PTPRN2: variants seen among roughly 807,000 people sequenced by gnomAD.
PTPRN2 encodes the protein receptor-type tyrosine-protein phosphatase N2.
Under a neutral mutation model 118.8 loss-of-function variants are expected in PTPRN2, and 74 were observed. That is an observed-to-expected ratio of 0.62 (90% CI 0.52 to 0.76). The LOEUF (loss-of-function observed/expected upper bound fraction) is 0.76, where lower values mean the gene tolerates loss of function less well. Among genes scored for constraint, PTPRN2 ranks in the 30% least tolerant of loss-of-function variants. The probability of loss-of-function intolerance (pLI) is 0.00; values close to 1 mark genes in which losing one functional copy is unlikely to be tolerated. For missense variants in PTPRN2, 1,481 were observed against 1,394.4 expected (o/e 1.06, Z -0.99); for synonymous variants, 641 against 608.0 (o/e 1.05, Z -0.80).
chr7:157,746,378 A>G (rs1456821426), intron 12 of PTPRN2, among the ~76,000 whole-genome samples: 1 of 104,796 alleles, frequency 9.5e-6, no homozygotes, highest in Non-Finnish European at 2.0e-5. Context: ...GCCCTGAGCA[A>G]GGAGATCACG....
At chr7:157,731,580 T>G (rs4716489) in intron 12 of PTPRN2, among the ~76,000 whole-genome samples, 1 of 18,536 alleles carries the variant, frequency 5.4e-5, no homozygotes, top group Non-Finnish European at 1.4e-4. Context: ...GCACAGTTAC[T>G]CTTTTCCACC....
chr7:158,353,663 C>A (rs1269453780), intron 2 of PTPRN2, among the ~76,000 whole-genome samples: 1 of 152,130 alleles, frequency 6.6e-6, no homozygotes, highest in Non-Finnish European at 1.5e-5. Flanking sequence ...CCTGGGGCCA[C>A]CAGGAACAGA....
intron 2 of PTPRN2, among the ~76,000 whole-genome samples, chr7:158,370,911 T>G (rs1352182752): frequency 6.6e-6 from 1 of 152,162 alleles, no homozygotes; most frequent in Non-Finnish European, 1.5e-5. Context: ...AATTAACAAT[T>G]TTTAAAACAC....
rs763390214 is a variant in PTPRN2 at position 157,794,383 on chromosome 7, G to A, written c.1788+104290C>T. Among the ~76,000 whole-genome samples, 14 of 152,206 alleles carry A rather than the reference G, an allele frequency of 9.2e-5. No individual in the cohort carries two copies. The highest frequency in any genetic ancestry group is 6.5e-5 in the Admixed American group (1 of 15,288). On this transcript the variant is annotated intron_variant, in intron 12 of 22. Transcript: ENST00000389418. The surrounding 1 kb of genome is among the most constrained non-coding windows in gnomAD (Gnocchi z 5.2). ...GGTTCTGCGTCTGGCCGGCCTACGG[G>A]CACTCGGGCAGTGCGGTGACCAATT...
At chr7:158,432,295 C>G (rs965489419) in intron 2 of PTPRN2, among the ~76,000 whole-genome samples, 2 of 152,218 alleles carry the variant, frequency 1.3e-5, no homozygotes, top group African/African-American at 4.8e-5. Context: ...ACCGGGCGCT[C>G]CAGGATCCCA....
At chr7:158,048,126 T>C (rs1442697153) in intron 11 of PTPRN2, among the ~76,000 whole-genome samples, 1 of 140,380 alleles carries the variant, frequency 7.1e-6, no homozygotes, top group East Asian at 1.9e-4. Context: ...TGAATACACA[T>C]ATGTATACAC....
rs114329555 is a variant in PTPRN2 at position 158,242,198 on chromosome 7, G to A, written c.278-36925C>T. On this transcript the variant is annotated intron_variant, in intron 3 of 22. Transcript: ENST00000389418. ...AAGTTTCCAGTACAACCTCCTCCCC[G>A]CCCCGTCCTCTGCACCTTCCTCTCC... Among the ~76,000 whole-genome samples the A allele has an allele frequency of 1.5e-3, 225 of 152,152 alleles. 1 individual carries two copies. Among genetic ancestry groups the A allele is most frequent in the African/African-American group, 5.0e-3 (207 of 41,488 alleles).
intron 11 of PTPRN2, among the ~76,000 whole-genome samples, chr7:157,951,895 T>C (rs141001049): frequency 0.012 from 1,786 of 152,148 alleles, 44 homozygotes; most frequent in African/African-American, 0.04. Flanking sequence ...CTCTCTTCAT[T>C]GGCCCCGCCT....
At chr7:158,389,605 C>T (rs1044367762) in intron 2 of PTPRN2, among the ~76,000 whole-genome samples, 15 of 152,218 alleles carry the variant, frequency 9.9e-5, no homozygotes, top group Non-Finnish European at 1.5e-4. Flanking sequence ...GATCAATACA[C>T]AAGAAAGGTA....
At chr7:158,489,413 C>T (rs1345158944) in intron 2 of PTPRN2, among the ~76,000 whole-genome samples, 2 of 152,234 alleles carry the variant, frequency 1.3e-5, no homozygotes, top group African/African-American at 4.8e-5. Flanking sequence ...CCCCGCTGCC[C>T]TCCAGCCTGG....
chr7:157,733,308 G>A (rs1274084378), intron 12 of PTPRN2, among the ~76,000 whole-genome samples: 1 of 36,528 alleles, frequency 2.7e-5, no homozygotes, highest in Non-Finnish European at 5.1e-5. Flanking sequence ...ACCCTTTCCC[G>A]TCCCACGCGC....
chr7:158,545,423 A>T (rs919609748), intron 1 of PTPRN2, among the ~76,000 whole-genome samples: 1 of 152,178 alleles, frequency 6.6e-6, no homozygotes, highest in Non-Finnish European at 1.5e-5. Flanking sequence ...ATTTTCTCGT[A>T]TTCTCAAGTA....
chr7:158,323,227 C>T (rs991939692), intron 2 of PTPRN2, among the ~76,000 whole-genome samples: 2 of 152,288 alleles, frequency 1.3e-5, no homozygotes, highest in African/African-American at 2.4e-5. Flanking sequence ...AGGGACTCAA[C>T]GAACTGGGGG....
chr7:157,828,847 T>TGGCG (rs1807360611), intron 12 of PTPRN2, among the ~76,000 whole-genome samples: 1 of 152,228 alleles, frequency 6.6e-6, no homozygotes, highest in Admixed American at 6.5e-5. Flanking sequence ...CCACTCAGTT[T>TGGCG]TATTTGCGTA....
At chr7:158,312,292 A>ATG in intron 3 of PTPRN2, among the ~76,000 whole-genome samples, 1 of 43,592 alleles carries the variant, frequency 2.3e-5, no homozygotes, top group Non-Finnish European at 5.8e-5. Flanking sequence ...GCACACATGC[A>ATG]CACACATGTG....
chr7:158,569,505 C>T lies in PTPRN2; in HGVS notation c.112+18053G>A, dbSNP rs556565382. On this transcript the variant is annotated intron_variant, in intron 1 of 22. Coordinates refer to ENST00000389418, the MANE Select transcript of PTPRN2 (RefSeq NM_002847.5). ...GCTCGCGCACGCCAGGCTGTGGGGC[C>T]GAGGGGTCCGGCTCTCAGGGTCCTG... Among the ~76,000 whole-genome samples, 191 of 152,322 alleles carry T rather than the reference C, an allele frequency of 1.3e-3. 1 individual carries two copies. Among genetic ancestry groups the T allele is most frequent in the African/African-American group, 4.2e-3 (173 of 41,592 alleles).
chr7:158,040,419 C>T (rs546574412), intron 11 of PTPRN2, among the ~76,000 whole-genome samples: 3 of 150,536 alleles, frequency 2.0e-5, no homozygotes, highest in Non-Finnish European at 4.4e-5. Flanking sequence ...CACACACAAA[C>T]ACACTGCACA....
chr7:158,240,360 T>C (rs1181347514), intron 3 of PTPRN2, among the ~76,000 whole-genome samples: 1 of 152,156 alleles, frequency 6.6e-6, no homozygotes, highest in Non-Finnish European at 1.5e-5. Context: ...TACCCAATAT[T>C]AGTCCAGACC....
Position 157,597,482 on chromosome 7 carries a change from G to GTTT in PTPRN2, c.2419-2168_2419-2167insAAA. Among the ~76,000 whole-genome samples, 4 of 146,544 alleles carry GTTT rather than the reference G, an allele frequency of 2.7e-5. 1 individual carries two copies. The Middle Eastern group carries it at 0.014, about 509-fold the overall frequency. On this transcript the variant is annotated intron_variant, in intron 16 of 22. Coordinates refer to ENST00000389418, the MANE Select transcript of PTPRN2 (RefSeq NM_002847.5). Reference sequence around the variant, plus strand: ...GCCTCCTTCTGAAATGTGTGTGTGTGTGTTTTTTTTTTTGCCCAGAGCAAT... The same window carrying GTTT: ...GCCTCCTTCTGAAATGTGTGTGTGTGTTTTGTTTTTTTTTTTGCCCAGAGCAAT...
Sources: gnomAD v4.1 joint callset for allele counts (sites outside exome capture counted in the v4.1 genomes callset) on GRCh38, gnomAD v4.1.1 for gene constraint, Gnocchi (gnomAD v3.1) non-coding constraint, MANE v1.5 for transcripts, NCBI Gene and HGNC (gene_info 2026-07-23, HGNC 2026-07-21) for gene names.